TMCC3: variants seen among roughly 807,000 people sequenced by gnomAD.
TMCC3 encodes the protein transmembrane and coiled-coil domain family 3.
In TMCC3, 28 loss-of-function variants were observed where a neutral mutation model predicts 40.2. The ratio of observed to expected loss-of-function variants is 0.70; its 90% CI spans 0.52 to 0.95. The LOEUF is 0.95. Ranked by LOEUF, TMCC3 falls within the 40% of genes least tolerant of loss-of-function variation. The probability of loss-of-function intolerance (pLI) is 0.00; values close to 1 mark genes in which losing one functional copy is unlikely to be tolerated. For synonymous variants in TMCC3, 255 were observed against 248.5 expected, an observed-to-expected ratio of 1.03 and a Z score of -0.25; for missense variants, 554 against 615.2, an observed-to-expected ratio of 0.90 and a Z score of 1.05.
chr12:94,574,291 G>A (rs1306677977), intron 3 of TMCC3, among the ~76,000 whole-genome samples: 1 of 152,006 alleles, frequency 6.6e-6, no homozygotes, highest in Non-Finnish European at 1.5e-5. Context: ...AGGAGGTTGA[G>A]GCAGGAGAAT....
At chr12:94,638,926 C>A (rs909390410) in intron 1 of TMCC3, among the ~76,000 whole-genome samples, 1 of 152,220 alleles carries the variant, frequency 6.6e-6, no homozygotes, top group Non-Finnish European at 1.5e-5. Context: ...AAGGCTGCAG[C>A]TCAAGACACC....
In TMCC3 at chr12:94,569,959, G is replaced by GATTTAA. The variant is rs2068517105; in HGVS notation, c.*1475_*1476insTTAAAT. The GATTTAA allele has an allele frequency of 1.3e-5, 2 of 152,200 alleles. No homozygotes were observed. The highest frequency in any genetic ancestry group is 4.8e-5 in the African/African-American group (2 of 41,428). 9.4% of individuals were successfully genotyped at this position (152,200 alleles called of 1,614,324 possible). A position where few individuals can be genotyped will look rare whatever the true frequency, so the allele number is the denominator to read the frequency against. On this transcript the variant is annotated 3_prime_UTR_variant, in exon 4 of 4. Transcript: ENST00000261226. ...CATCTTCCTCTTTGTTATACACACA[G>GATTTAA]AGACACAGATTTAAAGGAAAGTATC...
At chr12:94,607,291 C>G (rs540639719) in intron 1 of TMCC3, among the ~76,000 whole-genome samples, 1 of 150,846 alleles carries the variant, frequency 6.6e-6, no homozygotes, top group Non-Finnish European at 1.5e-5. Flanking sequence ...TTCAAACACA[C>G]GTTTTACAAT....
intron 1 of TMCC3, among the ~76,000 whole-genome samples, chr12:94,590,535 T>A (rs923358742): frequency 2.0e-5 from 3 of 152,108 alleles, no homozygotes; most frequent in African/African-American, 7.2e-5. Flanking sequence ...AGAAGCCCTG[T>A]CCCTAAGGGC....
intron 1 of TMCC3, among the ~76,000 whole-genome samples, chr12:94,618,817 C>G (rs1234872355): frequency 6.6e-6 from 1 of 152,194 alleles, no homozygotes; most frequent in Non-Finnish European, 1.5e-5. Flanking sequence ...CATATAGAAC[C>G]AAGATACCTT....
intron 1 of TMCC3, among the ~76,000 whole-genome samples, chr12:94,582,819 G>A (rs560912634): frequency 3.0e-4 from 46 of 152,130 alleles, no homozygotes; most frequent in African/African-American, 6.5e-4. Context: ...GGTAGAAAAC[G>A]CAAAATAGAA....
At chr12:94,633,154 G>C (rs1379125497) in intron 1 of TMCC3, among the ~76,000 whole-genome samples, 1 of 152,118 alleles carries the variant, frequency 6.6e-6, no homozygotes, top group African/African-American at 2.4e-5. Flanking sequence ...ATTTACAAGA[G>C]ATGCCATGTA....
At chr12:94,630,348 T>G (rs1420550282) in intron 1 of TMCC3, among the ~76,000 whole-genome samples, 1 of 151,982 alleles carries the variant, frequency 6.6e-6, no homozygotes, top group Non-Finnish European at 1.5e-5. Flanking sequence ...TGGAGGTAGC[T>G]CGGGCCTACA....
rs139024719 is a variant in TMCC3, at chr12:94,637,574, G to A, written c.78+12779C>T. ...CAGTGTTCAACACAGAGTAGGTGCA[G>A]TGTTCAGCGTGGTAATATCATAATT... On this transcript the variant is annotated intron_variant, in intron 1 of 3. Transcript: ENST00000261226. Among the ~76,000 whole-genome samples, 386 of 152,370 alleles carry A rather than the reference G, an allele frequency of 2.5e-3. 1 individual carries two copies. Among genetic ancestry groups the A allele is most frequent in the Non-Finnish European group, 4.9e-3 (334 of 68,036 alleles).
chr12:94,590,841 G>A lies in TMCC3; in HGVS notation c.79-8303C>T, dbSNP rs143950363. Reference sequence around the variant, plus strand: ...GAAACATGGGGGACGATGTGCACCCGCAACAAACTACCAACACTGGAGAGG... The same window carrying A: ...GAAACATGGGGGACGATGTGCACCCACAACAAACTACCAACACTGGAGAGG... On this transcript the variant is annotated intron_variant, in intron 1 of 3. Coordinates refer to ENST00000261226, the MANE Select transcript of TMCC3 (RefSeq NM_020698.4). 2,446 of 527,482 alleles carry A rather than the reference G, an allele frequency of 4.6e-3. 15 individuals carry two copies. The highest frequency in any genetic ancestry group is 0.013 in the Middle Eastern group (22 of 1,702). 32.7% of individuals were successfully genotyped at this position (527,482 alleles called of 1,614,324 possible).
intron 1 of TMCC3, among the ~76,000 whole-genome samples, chr12:94,597,132 T>TAA (rs2068720732): frequency 9.8e-5 from 1 of 10,154 alleles, no homozygotes; most frequent in Non-Finnish European, 4.0e-4. Flanking sequence ...TACATATATA[T>TAA]ATATATATAT....
Position 94,650,478 on chromosome 12 carries a change from C to G in TMCC3, c.-48G>C. 8.1e-7 allele frequency: 1 copy of G among 1,229,746 alleles called. No individual in the cohort carries two copies. Among genetic ancestry groups the G allele is most frequent in the Non-Finnish European group, 1.0e-6 (1 of 980,466 alleles). The allele number at this position is 1,229,746 out of a possible 1,614,324, so 76.2% of individuals were successfully genotyped here. On this transcript the variant is annotated 5_prime_UTR_variant, in exon 1 of 4. Coordinates refer to ENST00000261226, the MANE Select transcript of TMCC3 (RefSeq NM_020698.4). ...TTCCCGTCTTCTGGGGCTGCCGCGC[C>G]GCGAGCCACCGGCTGTGCTCGGGAT...
At chr12:94,635,241 T>C (rs2068953708) in intron 1 of TMCC3, among the ~76,000 whole-genome samples, 1 of 152,336 alleles carries the variant, frequency 6.6e-6, no homozygotes, top group South Asian at 2.1e-4. Flanking sequence ...ACAAGGATAT[T>C]AAATATGTTT....
chr12:94,597,447 T>C (rs2068725509), intron 1 of TMCC3, among the ~76,000 whole-genome samples: 1 of 152,172 alleles, frequency 6.6e-6, no homozygotes, highest in Admixed American at 6.6e-5. Flanking sequence ...TGCCTCCTCC[T>C]TTGGACACAC....
At position 94,578,540 on chromosome 12, in the gene TMCC3, G is replaced by A. The variant is rs139028953; in HGVS notation, c.996-11C>T. Reference sequence around the variant, plus strand: ...TCCAGTCGCTCATACCTTTAAAAGAGAGGAGCCGATTCCCAGTGTGACCTT... The same window carrying A: ...TCCAGTCGCTCATACCTTTAAAAGAAAGGAGCCGATTCCCAGTGTGACCTT... On this transcript the variant is annotated splice_polypyrimidine_tract_variant and intron_variant, in intron 2 of 3. Transcript: ENST00000261226. 3 of 1,610,330 alleles carry A rather than the reference G, an allele frequency of 1.9e-6. No individual in the cohort carries two copies. The African/African-American group carries it at 4.0e-5, about 21-fold the overall frequency.
rs544488387 is a variant in TMCC3 at position 94,614,391 on chromosome 12, C to A, written c.79-31853G>T. On this transcript the variant is annotated intron_variant, in intron 1 of 3. Transcript: ENST00000261226. ...CAGTCAGGAGAAAGCCCTGTAATTG[C>A]CCCCAGGCCACAAGTAATCCCCCTG... 1.2e-4 allele frequency among the ~76,000 whole-genome samples: 19 copies of A among 152,208 alleles called. No individual in the cohort carries two copies. The South Asian group carries it at 3.7e-3, about 30-fold the overall frequency.
At chr12:94,616,602 C>T (rs1368195717) in intron 1 of TMCC3, among the ~76,000 whole-genome samples, 1 of 151,932 alleles carries the variant, frequency 6.6e-6, no homozygotes, top group Admixed American at 6.6e-5. Flanking sequence ...GGGGGAGAGA[C>T]ACAATGACAG....
intron 1 of TMCC3, among the ~76,000 whole-genome samples, chr12:94,639,456 A>C (rs1043326978): frequency 6.6e-6 from 1 of 151,984 alleles, no homozygotes; most frequent in Non-Finnish European, 1.5e-5. Context: ...GGTGGTGGGC[A>C]CCTGTAGTTC....
chr12:94,582,382 T>C lies in TMCC3; in HGVS notation c.235A>G (p.Thr79Ala). ...GTTTGCTCAATTTTTATCTGCTCTG[T>C]TACCTTTAGAATTTTTTGCTTCAGG... ...DSLKQKILKV[T>A]EQIKIEQTSR... The change falls in exon 2 of 4, where the codon ACA becomes GCA. Residue 79 changes from threonine (T) to alanine (A), a missense_variant. Coordinates refer to ENST00000261226, the MANE Select transcript of TMCC3 (RefSeq NM_020698.4). 6.2e-7 allele frequency: 1 copy of C among 1,613,992 alleles called. No homozygotes were observed. Among genetic ancestry groups the C allele is most frequent in the Non-Finnish European group, 8.5e-7 (1 of 1,180,008 alleles).
Sources: allele counts gnomAD v4.1 joint callset (sites outside exome capture counted in the v4.1 genomes callset), GRCh38; gene constraint gnomAD v4.1.1; transcripts MANE v1.5; gene names NCBI Gene and HGNC (gene_info 2026-07-23, HGNC 2026-07-21).